Variants in ASB4 observed in about 807,000 individuals in gnomAD.
The protein encoded by ASB4 is ankyrin repeat and SOCS box containing 4, also known as ankyrin repeat and SOCS box protein 4.
ASB4 carries 35 observed loss-of-function variants against 38.6 expected under a neutral mutation model. That is an observed-to-expected ratio of 0.91 (90% CI 0.69 to 1.20). The LOEUF (loss-of-function observed/expected upper bound fraction) is 1.20. Ranked by LOEUF, ASB4 falls within the 50% of genes most tolerant of loss-of-function variation. The pLI is 0.00. For missense variants in ASB4, 557 were observed against 527.2 expected (o/e 1.06, Z -0.55); for synonymous variants, 195 against 201.3 (o/e 0.97, Z 0.26).
At chr7:95,516,228 C>T (rs1007418013) in intron 2 of ASB4, among the ~76,000 whole-genome samples, 2 of 152,168 alleles carry the variant, frequency 1.3e-5, no homozygotes, top group Non-Finnish European at 2.9e-5. Context: ...AATATATGGT[C>T]TGATTTCATG....
chr7:95,513,551 GT>G, intron 2 of ASB4, among the ~76,000 whole-genome samples: 1 of 152,162 alleles, frequency 6.6e-6, no homozygotes, highest in Non-Finnish European at 1.5e-5. Flanking sequence ...AGAACAATCT[GT>G]TTTTAACTCA....
intron 2 of ASB4, among the ~76,000 whole-genome samples, chr7:95,501,732 C>T (rs1004427685): frequency 1.3e-5 from 2 of 152,136 alleles, no homozygotes; most frequent in African/African-American, 2.4e-5. Flanking sequence ...CTTTCCCAGC[C>T]GGTACAGTTA....
intron 4 of ASB4, among the ~76,000 whole-genome samples, chr7:95,537,147 G>A (rs888340518): frequency 1.3e-5 from 2 of 152,182 alleles, no homozygotes; most frequent in African/African-American, 4.8e-5. Context: ...TGGGCTTGGA[G>A]GTCTGTGGCT....
the ASB4 span, among the ~76,000 whole-genome samples, chr7:95,545,353 T>C: frequency 3.6e-4 from 55 of 152,350 alleles, 1 homozygote; most frequent in East Asian, 8.9e-3. Context: ...CTTGCCTTCA[T>C]TGGAAAGAGA....
chr7:95,523,382 A>G (rs1302109997), intron 2 of ASB4, among the ~76,000 whole-genome samples: 1 of 152,214 alleles, frequency 6.6e-6, no homozygotes, highest in Non-Finnish European at 1.5e-5. Context: ...ACAAAGCCGA[A>G]CGATTTCACC....
At chr7:95,549,640 G>A in the ASB4 span, among the ~76,000 whole-genome samples, 1 of 152,194 alleles carries the variant, frequency 6.6e-6, no homozygotes, top group Non-Finnish European at 1.5e-5. Flanking sequence ...CACAAGAACA[G>A]GTCTGTAATG....
the ASB4 span, among the ~76,000 whole-genome samples, chr7:95,545,874 G>A: frequency 2.0e-5 from 3 of 152,290 alleles, no homozygotes; most frequent in South Asian, 4.1e-4. Flanking sequence ...GCCTAATCAT[G>A]CCATCTGAGT....
At chr7:95,548,436 C>A in the ASB4 span, among the ~76,000 whole-genome samples, 1 of 152,184 alleles carries the variant, frequency 6.6e-6, no homozygotes, top group Non-Finnish European at 1.5e-5. Context: ...TTAATAGTCA[C>A]TCAGTGTATA....
intron 2 of ASB4, among the ~76,000 whole-genome samples, chr7:95,503,836 A>C (rs1790372949): frequency 6.6e-6 from 1 of 152,162 alleles, no homozygotes; most frequent in South Asian, 2.1e-4. Context: ...CTTTGTGGAA[A>C]AGGCTAATTG....
intron 2 of ASB4, among the ~76,000 whole-genome samples, chr7:95,523,383 C>A (rs537495099): frequency 1.1e-4 from 17 of 152,136 alleles, no homozygotes; most frequent in Admixed American, 2.0e-4. Flanking sequence ...CAAAGCCGAA[C>A]GATTTCACCT....
chr7:95,508,868 T>C (rs1482997706), intron 2 of ASB4, among the ~76,000 whole-genome samples: 1 of 152,148 alleles, frequency 6.6e-6, no homozygotes, highest in Non-Finnish European at 1.5e-5. Context: ...ATTGTTATAG[T>C]GGACACTGAA....
chr7:95,495,623 C>A (rs1243341887), intron 1 of ASB4, 135 bp from the exon 2 acceptor site: 2 of 817,912 alleles, frequency 2.4e-6, no homozygotes, highest in Non-Finnish European at 3.7e-6. Context: ...TAGTTTAAAA[C>A]CTCTGTCATC....
chr7:95,487,832 A>C (rs887511087), intron 1 of ASB4, among the ~76,000 whole-genome samples: 2 of 152,190 alleles, frequency 1.3e-5, no homozygotes, highest in Admixed American at 1.3e-4. Flanking sequence ...GGAAAAGAAC[A>C]GTTCCATTCT....
At chr7:95,476,973 A>G (rs1032774645), upstream of ASB4, among the ~76,000 whole-genome samples, 4 of 152,274 alleles carry the variant, frequency 2.6e-5, no homozygotes, top group African/African-American at 9.6e-5. Flanking sequence ...AACCAATAGC[A>G]AATTCTCAGT....
At chr7:95,475,542 C>T (rs775450097), upstream of ASB4, among the ~76,000 whole-genome samples, 6 of 152,050 alleles carry the variant, frequency 3.9e-5, no homozygotes, top group South Asian at 2.1e-4. Context: ...TGCCACCACA[C>T]CTGGCTAAGT....
chr7:95,544,114 T>C (rs1478984303), downstream of ASB4: 1 of 152,156 alleles, frequency 6.6e-6, no homozygotes, highest in Non-Finnish European at 1.5e-5. Context: ...TAATTTACTC[T>C]GGAGCAACAA....
At position 95,528,043 on chromosome 7, in the gene ASB4, G is replaced by T. The variant is rs1790766818; in HGVS notation, c.718G>T (p.Asp240Tyr). The T allele has an allele frequency of 3.1e-6, 5 of 1,614,152 alleles. No homozygotes were observed. The highest frequency in any genetic ancestry group is 1.1e-5 in the South Asian group (1 of 91,080). Residue 240 changes from aspartate to tyrosine, a missense_variant, in exon 3 of 5, where the codon GAC becomes TAC. Coordinates refer to ENST00000325885, the MANE Select transcript of ASB4 (RefSeq NM_016116.3). Reference protein sequence around the residue: ...EHHLVCRMLLDYKAEVNARDD... With the variant: ...EHHLVCRMLLYYKAEVNARDD... ...CCACCTGGTCTGCCGCATGCTGCTT[G>T]ACTACAAAGCCGAAGTCAATGCCCG...
At chr7:95,536,365 A>G in intron 3 of ASB4, 72 bp from the exon 4 acceptor site, 1 of 960,144 alleles carries the variant, frequency 1.0e-6, no homozygotes, top group Non-Finnish European at 1.6e-6. Context: ...TGAATTCTTG[A>G]TGTCTCTGTG....
chr7:95,537,335 G>T (rs150962920), intron 4 of ASB4, among the ~76,000 whole-genome samples: 1 of 152,254 alleles, frequency 6.6e-6, no homozygotes, highest in South Asian at 2.1e-4. Flanking sequence ...CTTCACACTT[G>T]CATATTTTAT....
Sources: allele counts gnomAD v4.1 joint callset (sites outside exome capture counted in the v4.1 genomes callset), GRCh38; gene constraint gnomAD v4.1.1; transcripts MANE v1.5; gene names NCBI Gene and HGNC (gene_info 2026-07-23, HGNC 2026-07-21).